The following STX18 variants were observed in gnomAD, a reference collection of about 807,000 sequenced individuals.
STX18 encodes the protein syntaxin-18.
A neutral mutation model predicts 50.1 loss-of-function variants in STX18; 40 were observed. That is an observed-to-expected ratio of 0.80 (90% CI 0.62 to 1.04). The LOEUF is 1.04. STX18 is among the 50% of genes least tolerant of loss of function. The probability of loss-of-function intolerance (pLI) is 0.00; values close to 1 mark genes in which losing one functional copy is unlikely to be tolerated. For missense variants in STX18, 410 were observed against 415.8 expected, an observed-to-expected ratio of 0.99 and a Z score of 0.12; for synonymous variants, 158 against 151.8, an observed-to-expected ratio of 1.04 and a Z score of -0.30.
At chr4:4,480,502 T>C (rs1728407293) in intron 1 of STX18, among the ~76,000 whole-genome samples, 1 of 152,208 alleles carries the variant, frequency 6.6e-6, no homozygotes, top group African/African-American at 2.4e-5. Flanking sequence ...TAAGGATCCA[T>C]CTTGCAAATA....
At chr4:4,525,709 C>A (rs993409690) in intron 1 of STX18, among the ~76,000 whole-genome samples, 7 of 152,074 alleles carry the variant, frequency 4.6e-5, no homozygotes, top group African/African-American at 1.7e-4. Context: ...TATAAGCCCA[C>A]AAATAAACAA....
At chr4:4,484,009 G>A (rs565486628) in intron 1 of STX18, among the ~76,000 whole-genome samples, 14 of 152,010 alleles carry the variant, frequency 9.2e-5, no homozygotes, top group Admixed American at 3.3e-4. Flanking sequence ...CTACAGGTGC[G>A]TGCCACCATG....
chr4:4,496,448 A>G (rs1314250140), intron 1 of STX18, among the ~76,000 whole-genome samples: 2 of 152,050 alleles, frequency 1.3e-5, no homozygotes, highest in Non-Finnish European at 2.9e-5. Context: ...AAGGGCTCCT[A>G]AATTCACCCC....
intron 1 of STX18, among the ~76,000 whole-genome samples, chr4:4,535,948 A>G (rs570968789): frequency 2.0e-5 from 3 of 152,244 alleles, no homozygotes; most frequent in Non-Finnish European, 4.4e-5. Flanking sequence ...CTGGCACAGA[A>G]AGTCAACACT....
chr4:4,529,040 C>A (rs1050951069), intron 1 of STX18, among the ~76,000 whole-genome samples: 31 of 152,166 alleles, frequency 2.0e-4, no homozygotes, highest in African/African-American at 7.0e-4. Flanking sequence ...CTCTTTTCCC[C>A]AAAAGCAAAC....
At chr4:4,488,163 G>A (rs1283126018) in intron 1 of STX18, among the ~76,000 whole-genome samples, 1 of 152,002 alleles carries the variant, frequency 6.6e-6, no homozygotes, top group African/African-American at 2.4e-5. Context: ...TCCTCCTCTC[G>A]TGAGGTGAAC....
intron 1 of STX18, among the ~76,000 whole-genome samples, chr4:4,527,432 G>A (rs1030816489): frequency 6.6e-6 from 1 of 152,140 alleles, no homozygotes; most frequent in Non-Finnish European, 1.5e-5. Flanking sequence ...AACTTTTGGA[G>A]TTGAAGTATT....
chr4:4,502,837 C>CA (rs1318982443), intron 1 of STX18, among the ~76,000 whole-genome samples: 6 of 152,314 alleles, frequency 3.9e-5, no homozygotes, highest in Admixed American at 1.3e-4. Flanking sequence ...ACACACACTT[C>CA]ATCGGCTCTA....
At chr4:4,525,362 G>A (rs1300532050) in intron 1 of STX18, among the ~76,000 whole-genome samples, 2 of 152,200 alleles carry the variant, frequency 1.3e-5, no homozygotes, top group African/African-American at 4.8e-5. Flanking sequence ...AGAAGTGCTT[G>A]AGGGAGAACT....
At chr4:4,486,467 A>G (rs1178701500) in intron 1 of STX18, among the ~76,000 whole-genome samples, 1 of 152,244 alleles carries the variant, frequency 6.6e-6, no homozygotes, top group Non-Finnish European at 1.5e-5. Context: ...GTGAATATGC[A>G]ACAAAAATGA....
chr4:4,523,648 G>A (rs1730621166), intron 1 of STX18, among the ~76,000 whole-genome samples: 1 of 152,134 alleles, frequency 6.6e-6, no homozygotes, highest in Non-Finnish European at 1.5e-5. Flanking sequence ...TAGCTCTATA[G>A]TAACGAGCTG....
At chr4:4,468,877 C>T (rs926683271) in intron 2 of STX18, among the ~76,000 whole-genome samples, 8 of 152,078 alleles carry the variant, frequency 5.3e-5, no homozygotes, top group African/African-American at 1.7e-4. Flanking sequence ...GAAACAGCCC[C>T]GTATTCTCTA....
chr4:4,433,529 T>G (rs796170300), intron 7 of STX18, among the ~76,000 whole-genome samples: 14 of 73,800 alleles, frequency 1.9e-4, no homozygotes, highest in South Asian at 3.6e-4. Flanking sequence ...ATAAAAAAAA[T>G]AAATTAAAAA....
At chr4:4,515,453 G>A (rs1048698571) in intron 1 of STX18, among the ~76,000 whole-genome samples, 1 of 152,174 alleles carries the variant, frequency 6.6e-6, no homozygotes, top group Non-Finnish European at 1.5e-5. Flanking sequence ...TGAACTGGCT[G>A]TGGTGGTTCA....
intron 7 of STX18, among the ~76,000 whole-genome samples, chr4:4,427,694 T>C (rs2108775683): frequency 6.6e-6 from 1 of 152,370 alleles, no homozygotes; most frequent in African/African-American, 2.4e-5. Context: ...ACAAAGCTTT[T>C]CTTGTTTCCT....
In STX18 at chr4:4,488,643, T is replaced by C. The variant is rs116390005; in HGVS notation, c.169-16937A>G. On this transcript the variant is annotated intron_variant, in intron 1 of 10. Coordinates refer to ENST00000306200, the MANE Select transcript of STX18 (RefSeq NM_016930.4). ...ACAGTACATCAAAATGACAACAGCC[T>C]AGTTTTAAGATGATTTGTCTCTTGA... Among the ~76,000 whole-genome samples the C allele has an allele frequency of 3.2e-3, 495 of 152,356 alleles. 1 individual carries two copies. Among genetic ancestry groups the C allele is most frequent in the African/African-American group, 0.011 (461 of 41,592 alleles).
At chr4:4,476,506 A>G (rs1042082636) in intron 1 of STX18, among the ~76,000 whole-genome samples, 1 of 152,200 alleles carries the variant, frequency 6.6e-6, no homozygotes, top group Non-Finnish European at 1.5e-5. Context: ...CTGTTAAATT[A>G]ATAAATATGT....
At chr4:4,436,622 C>T (rs1725791497) in intron 6 of STX18, among the ~76,000 whole-genome samples, 1 of 152,222 alleles carries the variant, frequency 6.6e-6, no homozygotes. Context: ...TTGTGGCCAT[C>T]AGAAGCCTTC....
chr4:4,437,063 G>A (rs1324833304), intron 6 of STX18, among the ~76,000 whole-genome samples: 1 of 149,214 alleles, frequency 6.7e-6, no homozygotes, highest in East Asian at 2.0e-4. Context: ...AGGTTCAAGT[G>A]ATTCTCCTGC....
Sources: allele counts gnomAD v4.1 joint callset (sites outside exome capture counted in the v4.1 genomes callset), GRCh38; gene constraint gnomAD v4.1.1; transcripts MANE v1.5; gene names NCBI Gene and HGNC (gene_info 2026-07-23, HGNC 2026-07-21).